The following WIPF3 variants were observed in gnomAD, a reference collection of about 807,000 sequenced individuals.
WIPF3 encodes WAS/WASL interacting protein family member 3.
Under a neutral mutation model 38.9 loss-of-function variants are expected in WIPF3, and 33 were observed. The observed-to-expected ratio is 0.85, with a 90% CI of 0.64 to 1.14. WIPF3 has a LOEUF of 1.14. Among genes scored for constraint, WIPF3 ranks in the 50% most tolerant of loss-of-function variants. WIPF3 has a pLI of 0.00. For synonymous variants in WIPF3, 324 were observed against 269.3 expected (o/e 1.20, Z -1.99); for missense variants, 711 against 652.5 (o/e 1.09, Z -0.98).
chr7:29,885,918 A>G (rs1785866597), intron 5 of WIPF3, among the ~76,000 whole-genome samples: 1 of 152,194 alleles, frequency 6.6e-6, no homozygotes, highest in Non-Finnish European at 1.5e-5. Context: ...GAATATATGT[A>G]CACGTTTACA....
intron 7 of WIPF3, among the ~76,000 whole-genome samples, chr7:29,893,137 G>A (rs1786061578): frequency 6.6e-6 from 1 of 152,164 alleles, no homozygotes; most frequent in Admixed American, 6.5e-5. Context: ...AGTGATCAGG[G>A]TTTGGAGAAC....
At chr7:29,896,730 G>T (rs1786153599) in intron 7 of WIPF3, among the ~76,000 whole-genome samples, 1 of 152,184 alleles carries the variant, frequency 6.6e-6, no homozygotes, top group Non-Finnish European at 1.5e-5. Flanking sequence ...ATGGTAAATT[G>T]TATGTTATGT....
intron 2 of WIPF3, among the ~76,000 whole-genome samples, chr7:29,850,232 T>G (rs1785072062): frequency 6.6e-6 from 1 of 152,202 alleles, no homozygotes; most frequent in South Asian, 2.1e-4. Flanking sequence ...AAGTAAAATT[T>G]TATTGATAGG....
intron 3 of WIPF3, 141 bp downstream of exon 3, chr7:29,876,103 C>T: frequency 1.7e-6 from 2 of 1,164,968 alleles, no homozygotes; most frequent in Non-Finnish European, 2.4e-6. Flanking sequence ...ATTGGACAGG[C>T]CAAGTGGGCG....
At chr7:29,832,938 A>G (rs117833167) in intron 1 of WIPF3, among the ~76,000 whole-genome samples, 48 of 152,372 alleles carry the variant, frequency 3.2e-4, no homozygotes, top group Non-Finnish European at 6.5e-4. Flanking sequence ...GGCACTCATC[A>G]ATAGATGAAT....
Position 29,879,132 on chromosome 7 carries a change from A to G in WIPF3, c.347A>G (p.Asp116Gly). 1 of 1,611,142 alleles carries G rather than the reference A, an allele frequency of 6.2e-7. No individual in the cohort carries two copies. Among genetic ancestry groups the G allele is most frequent in the East Asian group, 2.2e-5 (1 of 44,836 alleles). ...GTATTGCGACCAGCAGGCCAGCGGG[A>G]TGTAGCAGGTAAGGAAGAATTCATT... Reference protein sequence around the residue: ...FPVLRPAGQRDVAGGKTGQGP... With the variant: ...FPVLRPAGQRGVAGGKTGQGP... Residue 116 changes from aspartate (D) to glycine (G), a missense_variant, in exon 4 of 9, where the codon GAT becomes GGT. Transcript: ENST00000242140.
In WIPF3 at chr7:29,818,296, A is replaced by G. The variant is rs1784486263; in HGVS notation, c.-58+11618A>G. Among the ~76,000 whole-genome samples, 4 of 152,022 alleles carry G rather than the reference A, an allele frequency of 2.6e-5. No individual in the cohort carries two copies. In the South Asian group the frequency reaches 6.2e-4, roughly 24 times the overall value. ...GGTGAAACCCCCATCTCTACTAAATATACAAAAATTAACTGGGGTGGTGGC... is the reference window on the plus strand; with the variant it reads ...GGTGAAACCCCCATCTCTACTAAATGTACAAAAATTAACTGGGGTGGTGGC... On this transcript the variant is annotated intron_variant, in intron 1 of 8. Transcript: ENST00000242140.
chr7:29,894,734 C>T (rs1786095993), intron 7 of WIPF3, among the ~76,000 whole-genome samples: 1 of 150,904 alleles, frequency 6.6e-6, no homozygotes, highest in Non-Finnish European at 1.5e-5. Flanking sequence ...GCCCTCTGTC[C>T]CCACCTGCTT....
At chr7:29,854,851 A>G (rs1252614595) in intron 2 of WIPF3, among the ~76,000 whole-genome samples, 24 of 152,200 alleles carry the variant, frequency 1.6e-4, no homozygotes, top group Admixed American at 1.6e-3. Context: ...CTAGTGCTTC[A>G]CTTCCCATGT....
chr7:29,908,720 G>A (rs961473135), intron 8 of WIPF3, among the ~76,000 whole-genome samples: 2 of 152,010 alleles, frequency 1.3e-5, no homozygotes, highest in Non-Finnish European at 2.9e-5. Context: ...AGATCAGCCT[G>A]GAACATGGTG....
At chr7:29,874,853 A>T (rs6974174) in intron 2 of WIPF3, among the ~76,000 whole-genome samples, 46,319 of 152,072 alleles carry the variant, frequency 0.3, 7,567 homozygotes, top group African/African-American at 0.4. Context: ...CAAATATATT[A>T]ATGAAGCATC....
intron 8 of WIPF3, among the ~76,000 whole-genome samples, chr7:29,910,223 CA>C (rs558684760): frequency 2.0e-5 from 3 of 149,848 alleles, no homozygotes; most frequent in Non-Finnish European, 3.0e-5. Context: ...TATGTACCCA[CA>C]AAAAAAAAGA....
intron 2 of WIPF3, among the ~76,000 whole-genome samples, chr7:29,850,557 T>G (rs932279111): frequency 6.6e-6 from 1 of 152,208 alleles, no homozygotes; most frequent in African/African-American, 2.4e-5. Flanking sequence ...GCAGCGCCCC[T>G]TCAGTGATTC....
intron 7 of WIPF3, among the ~76,000 whole-genome samples, chr7:29,896,233 C>T (rs117750181): frequency 0.016 from 2,366 of 150,132 alleles, 29 homozygotes; most frequent in South Asian, 0.059. Context: ...CATTTGAGCC[C>T]AGGAGTTTGA....
At chr7:29,807,005 G>A (rs1784292146) in intron 1 of WIPF3, among the ~76,000 whole-genome samples, 1 of 151,912 alleles carries the variant, frequency 6.6e-6, no homozygotes, top group African/African-American at 2.4e-5. Flanking sequence ...TGGACTCCCC[G>A]GTGAGCAGCC....
intron 2 of WIPF3, among the ~76,000 whole-genome samples, chr7:29,856,352 GCA>G (rs1255976195): frequency 6.6e-6 from 1 of 152,108 alleles, no homozygotes; most frequent in East Asian, 1.9e-4. Flanking sequence ...TTCAGGCCAG[GCA>G]CAGTGTCTCA....
chr7:29,853,994 A>G (rs1785146197), intron 2 of WIPF3, among the ~76,000 whole-genome samples: 2 of 152,200 alleles, frequency 1.3e-5, no homozygotes, highest in Non-Finnish European at 2.9e-5. Context: ...ACACCATTAC[A>G]CTTCGGATGA....
At chr7:29,886,576 C>G (rs540044564) in intron 5 of WIPF3, among the ~76,000 whole-genome samples, 3 of 151,752 alleles carry the variant, frequency 2.0e-5, no homozygotes, top group Admixed American at 6.6e-5. Flanking sequence ...AGGCTGGTCT[C>G]GAACTCCTGA....
chr7:29,883,634 C>G (rs1785768763), intron 4 of WIPF3, among the ~76,000 whole-genome samples: 1 of 152,122 alleles, frequency 6.6e-6, no homozygotes, highest in African/African-American at 2.4e-5. Context: ...CTGACCTGGG[C>G]TTGTCATTAA....
Sources: gnomAD v4.1 joint callset for allele counts (sites outside exome capture counted in the v4.1 genomes callset) on GRCh38, gnomAD v4.1.1 for gene constraint, MANE v1.5 for transcripts, NCBI Gene and HGNC (gene_info 2026-07-23, HGNC 2026-07-21) for gene names.